Variants in GSE1 observed in about 807,000 individuals in gnomAD.
GSE1 encodes the protein Gse1 coiled-coil protein.
Under a neutral mutation model 112.6 loss-of-function variants are expected in GSE1, and 32 were observed. That is an observed-to-expected ratio of 0.28 (90% CI 0.21 to 0.38). The LOEUF (loss-of-function observed/expected upper bound fraction) is 0.38. Among genes scored for constraint, GSE1 ranks in the 10% least tolerant of loss-of-function variants. The pLI, the probability that GSE1 is intolerant of heterozygous loss-of-function variation, is 1.00. For missense variants in GSE1, 2,348 were observed against 1,699.2 expected, an observed-to-expected ratio of 1.38 and a Z score of -6.71; for synonymous variants, 1,115 against 735.6, an observed-to-expected ratio of 1.52 and a Z score of -8.35.
chr16:85,221,234 C>T (rs1016520832), intron 1 of GSE1, among the ~76,000 whole-genome samples: 2 of 151,952 alleles, frequency 1.3e-5, no homozygotes, highest in Non-Finnish European at 2.9e-5. Flanking sequence ...CCGGGCTGTG[C>T]GAGGAGCCCC....
intron 5 of GSE1, among the ~76,000 whole-genome samples, chr16:85,655,442 C>T (rs531044692): frequency 1.1e-4 from 17 of 152,284 alleles, no homozygotes; most frequent in African/African-American, 3.4e-4. Context: ...CCAGCCTGCT[C>T]GCCAGCCTTG....
chr16:85,463,524 G>A (rs1477840670), intron 2 of GSE1, among the ~76,000 whole-genome samples: 2 of 152,136 alleles, frequency 1.3e-5, no homozygotes, highest in Non-Finnish European at 2.9e-5. Flanking sequence ...AGGGCCCCTC[G>A]TGCCTGCAGT....
intron 1 of GSE1, among the ~76,000 whole-genome samples, chr16:85,193,434 T>C (rs1386748378): frequency 6.6e-6 from 1 of 151,662 alleles, no homozygotes; most frequent in East Asian, 1.9e-4. Flanking sequence ...TTTGAACTCC[T>C]GGGCTCACCT....
intron 1 of GSE1, among the ~76,000 whole-genome samples, chr16:85,222,377 C>T (rs2075409418): frequency 6.6e-6 from 1 of 152,234 alleles, no homozygotes; most frequent in African/African-American, 2.4e-5. Flanking sequence ...ACAGGGCGGG[C>T]TGGAGGCTAT....
intron 2 of GSE1, among the ~76,000 whole-genome samples, chr16:85,407,392 A>T (rs376782557): frequency 2.7e-4 from 2 of 7,452 alleles, no homozygotes; most frequent in Non-Finnish European, 4.4e-4. Context: ...TCACTGTTAC[A>T]CTCAGGGCCC....
chr16:85,637,992 G>A (rs74886389), intron 2 of GSE1, among the ~76,000 whole-genome samples: 24,924 of 152,140 alleles, frequency 0.16, 2,570 homozygotes, highest in Middle Eastern at 0.24. Context: ...CAGAGCTGGC[G>A]CACCCAGGGA....
In GSE1 at chr16:85,604,709, C is replaced by T. The variant is rs553737665; in HGVS notation, c.38-43843C>T. On this transcript the variant is annotated intron_variant, in intron 1 of 2. Coordinates refer to the GSE1 transcript ENST00000635906. ...GCAGTGAGCTATGATCGCACTACCG[C>T]GCTCCAGCCTGGGCAACAGAGTGAG... is the stretch of plus-strand genomic sequence containing the variant. Among the ~76,000 whole-genome samples the T allele has an allele frequency of 1.6e-3, 111 of 67,898 alleles. 1 individual carries two copies. Among genetic ancestry groups the T allele is most frequent in the African/African-American group, 6.4e-3 (103 of 16,080 alleles). The allele number at this position is 67,898 out of a possible 152,430, so 44.5% of individuals were successfully genotyped here.
intron 2 of GSE1, among the ~76,000 whole-genome samples, chr16:85,498,661 C>G (rs1396284050): frequency 1.3e-5 from 2 of 152,270 alleles, no homozygotes; most frequent in Non-Finnish European, 2.9e-5. Flanking sequence ...ACCCCCCACA[C>G]TCACACGTGT....
At chr16:85,295,403 C>G (rs1220222622) in intron 1 of GSE1, among the ~76,000 whole-genome samples, 5 of 152,264 alleles carry the variant, frequency 3.3e-5, no homozygotes, top group African/African-American at 1.2e-4. Flanking sequence ...GCACATCAGC[C>G]CTTTTATGGC....
intron 1 of GSE1, among the ~76,000 whole-genome samples, chr16:85,346,709 G>A (rs1597451689): frequency 1.3e-5 from 2 of 151,736 alleles, no homozygotes; most frequent in East Asian, 3.9e-4. Context: ...ACAGGTAGAT[G>A]GATGGTGGAT....
At chr16:85,507,957 AAG>A (rs1021015284) in intron 2 of GSE1, among the ~76,000 whole-genome samples, 1 of 152,046 alleles carries the variant, frequency 6.6e-6, no homozygotes, top group African/African-American at 2.4e-5. Flanking sequence ...CTGCATGACA[AAG>A]AGTGTGCCCA....
chr16:85,423,607 A>G (rs1331207869), intron 2 of GSE1, among the ~76,000 whole-genome samples: 1 of 148,916 alleles, frequency 6.7e-6, no homozygotes, highest in East Asian at 2.1e-4. Context: ...AGGGGGCTGT[A>G]GAAAAGAGAA....
rs556297030 is a variant in GSE1, at chr16:85,400,658, G to A, written c.2464+43015G>A. On this transcript the variant is annotated intron_variant, in intron 2 of 2. Transcript: ENST00000637419. ...GTGTGTTGTGTGTGTCTCTGTGTCT[G>A]TGTATGTTGCGTGTGTCTCTGTGTG... 4.0e-5 allele frequency among the ~76,000 whole-genome samples: 6 copies of A among 151,880 alleles called. No individual in the cohort carries two copies. The South Asian group carries it at 1.3e-3, about 32-fold the overall frequency.
intron 7 of GSE1, among the ~76,000 whole-genome samples, chr16:85,656,876 G>A (rs1464921498): frequency 1.3e-5 from 2 of 152,280 alleles, no homozygotes; most frequent in African/African-American, 4.8e-5. Context: ...CAGGAGGACA[G>A]TTGTGAAATG....
exon 1 of GSE1, chr16:85,169,752 G>A (rs1417561603): frequency 1.0e-6 from 1 of 983,986 alleles, no homozygotes; most frequent in African/African-American, 1.8e-5. Context: ...GCGCGCGCGA[G>A]CTGTCCCCGG....
intron 1 of GSE1, among the ~76,000 whole-genome samples, chr16:85,603,351 C>G (rs772962270): frequency 3.0e-4 from 46 of 152,172 alleles, no homozygotes; most frequent in Non-Finnish European, 5.1e-4. Flanking sequence ...TCGCTCGTGA[C>G]TCTGCTCAGC....
chr16:85,491,405 A>G (rs932532833), intron 2 of GSE1, among the ~76,000 whole-genome samples: 1 of 152,160 alleles, frequency 6.6e-6, no homozygotes, highest in East Asian at 1.9e-4. Flanking sequence ...GTGTTGGAAG[A>G]TGCAGGGTAT....
At chr16:85,331,551 A>C (rs1368188706) in intron 1 of GSE1, among the ~76,000 whole-genome samples, 3,211 of 90,520 alleles carry the variant, frequency 0.035, 172 homozygotes, top group African/African-American at 0.13. Flanking sequence ...ATGTGTGTAT[A>C]TATGTGTATA....
intron 2 of GSE1, chr16:85,463,061 G>A (rs1262439472): frequency 2.0e-6 from 2 of 983,572 alleles, no homozygotes; most frequent in African/African-American, 1.8e-5. Flanking sequence ...CCCGGGTCCC[G>A]CGGCCCGGGG....
Sources: gnomAD v4.1 joint callset for allele counts (sites outside exome capture counted in the v4.1 genomes callset) on GRCh38, gnomAD v4.1.1 for gene constraint, MANE v1.5 for transcripts, NCBI Gene and HGNC (gene_info 2026-07-23, HGNC 2026-07-21) for gene names.